NIBAN2: variants seen among roughly 807,000 people sequenced by gnomAD.
NIBAN2 encodes the protein niban apoptosis regulator 2.
A neutral mutation model predicts 81.8 loss-of-function variants in NIBAN2; 36 were observed. The ratio of observed to expected loss-of-function variants is 0.44; its 90% confidence interval spans 0.34 to 0.58. The LOEUF (loss-of-function observed/expected upper bound fraction) is 0.58. Among genes scored for constraint, NIBAN2 ranks in the 20% least tolerant of loss-of-function variants. The pLI, the probability that NIBAN2 is intolerant of heterozygous loss-of-function variation, is 0.02. For missense variants in NIBAN2, 897 were observed against 1,014.1 expected (o/e 0.88, Z 1.57); for synonymous variants, 445 against 441.6 (o/e 1.01, Z -0.10).
chr9:127,538,096 G>C, intron 1 of NIBAN2, among the ~76,000 whole-genome samples: 1 of 152,196 alleles, frequency 6.6e-6, no homozygotes, highest in South Asian at 2.1e-4. Flanking sequence ...ACACACTTGT[G>C]GGTTTGTTGT....
intron 1 of NIBAN2, among the ~76,000 whole-genome samples, chr9:127,532,658 C>T (rs527714452): frequency 1.1e-4 from 16 of 151,736 alleles, no homozygotes; most frequent in Admixed American, 6.6e-4. Context: ...TGCCAACAAA[C>T]GGAAAGGGCT....
At chr9:127,577,060 C>A (rs1014805858) in intron 1 of NIBAN2, among the ~76,000 whole-genome samples, 2 of 151,878 alleles carry the variant, frequency 1.3e-5, no homozygotes, top group Non-Finnish European at 2.9e-5. Flanking sequence ...GTGGCTCACG[C>A]ACTTTCAGAG....
chr9:127,520,111 A>G (rs1400060280), intron 5 of NIBAN2, among the ~76,000 whole-genome samples: 1 of 151,772 alleles, frequency 6.6e-6, no homozygotes, highest in Non-Finnish European at 1.5e-5. Context: ...ACCCCTCCTG[A>G]GCTCTTCCCG....
At chr9:127,569,528 G>T (rs577428643), upstream of NIBAN2, among the ~76,000 whole-genome samples, 92 of 151,716 alleles carry the variant, frequency 6.1e-4, no homozygotes, top group South Asian at 8.3e-3. Context: ...GAAAAGAATC[G>T]CGCCGAGGAG....
At chr9:127,568,328 G>C (rs2249006) in intron 1 of NIBAN2, among the ~76,000 whole-genome samples, 110,632 of 152,130 alleles carry the variant, frequency 0.73, 40,411 homozygotes, top group Middle Eastern at 0.77. Flanking sequence ...CTTCATGGGC[G>C]CGTCCTTCAG....
rs1242398360 is a variant in NIBAN2 at position 127,505,370 on chromosome 9, G to A, written c.*1475C>T. The A allele has an allele frequency of 2.0e-5, 3 of 152,666 alleles. No homozygotes were observed. Among genetic ancestry groups the A allele is most frequent in the African/African-American group, 7.2e-5 (3 of 41,460 alleles). 9.5% of individuals were successfully genotyped at this position (152,666 alleles called of 1,614,324 possible). ...TAAATAAAGCGTTTATTGATTAGTA[G>A]AAGCATGAACAGTGTGCATAATATT... On this transcript the variant is annotated 3_prime_UTR_variant, in exon 14 of 14. Coordinates refer to ENST00000373312, the MANE Select transcript of NIBAN2 (RefSeq NM_022833.4).
chr9:127,541,130 A>G (rs1837371538), intron 1 of NIBAN2, among the ~76,000 whole-genome samples: 1 of 152,172 alleles, frequency 6.6e-6, no homozygotes, highest in Non-Finnish European at 1.5e-5. Flanking sequence ...TGTCCCAAGC[A>G]CCACCATCTC....
chr9:127,516,124 A>C (rs1836825195), intron 8 of NIBAN2, among the ~76,000 whole-genome samples: 1 of 113,982 alleles, frequency 8.8e-6, no homozygotes, highest in Non-Finnish European at 1.9e-5. Flanking sequence ...CCCTGTCTCA[A>C]ATAAAATAAA....
At chr9:127,541,629 A>C (rs1837381027) in intron 1 of NIBAN2, among the ~76,000 whole-genome samples, 1 of 152,080 alleles carries the variant, frequency 6.6e-6, no homozygotes. Flanking sequence ...AGGCTCCATC[A>C]AGTAGCAGGA....
chr9:127,524,774 A>C, intron 4 of NIBAN2: 1 of 321,800 alleles, frequency 3.1e-6, no homozygotes, highest in Non-Finnish European at 5.8e-6. Flanking sequence ...AGGGAATTTC[A>C]GCCAAGGTGA....
At chr9:127,554,016 G>A (rs552486693) in intron 1 of NIBAN2, among the ~76,000 whole-genome samples, 3 of 152,180 alleles carry the variant, frequency 2.0e-5, no homozygotes, top group South Asian at 2.1e-4. Flanking sequence ...CACTCATCAC[G>A]GAGAGAGACT....
rs75147831 is a variant in NIBAN2 at position 127,561,348 on chromosome 9, G to A, written c.55+7472C>T. The A allele has an allele frequency of 1.6e-3, 1,476 of 933,440 alleles. 24 individuals carry two copies. In the East Asian group the frequency reaches 0.064, roughly 41 times the overall value. 57.8% of individuals were successfully genotyped at this position (933,440 alleles called of 1,614,324 possible). A position where few individuals can be genotyped will look rare whatever the true frequency, so the allele number is the denominator to read the frequency against. On this transcript the variant is annotated intron_variant, in intron 1 of 13. Coordinates refer to ENST00000373312, the MANE Select transcript of NIBAN2 (RefSeq NM_022833.4). ...CAGGGGATGCACGAGGCCACAGACA[G>A]ACCAGACACATCTCCCTGGGTGTCA...
At chr9:127,534,249 CA>C (rs1837234645) in intron 1 of NIBAN2, among the ~76,000 whole-genome samples, 1 of 152,244 alleles carries the variant, frequency 6.6e-6, no homozygotes, top group Admixed American at 6.5e-5. Flanking sequence ...GGTCCTTTCT[CA>C]AAACAGGAGC....
upstream of NIBAN2, chr9:127,579,019 C>A: frequency 7.5e-7 from 1 of 1,330,040 alleles, no homozygotes; most frequent in Non-Finnish European, 1.1e-6. Context: ...GAGCTGTTTG[C>A]TGCTGAGCCA....
intron 3 of NIBAN2, 111 bp downstream of exon 3, chr9:127,527,083 C>A: frequency 7.3e-7 from 1 of 1,372,328 alleles, no homozygotes; most frequent in Non-Finnish European, 1.0e-6. Context: ...CCCTGGTGAC[C>A]GCGTGCAGGC....
rs559504107 is a variant in NIBAN2 at position 127,525,174 on chromosome 9, C to T, written c.316-11G>A. 58 of 1,609,618 alleles carry T rather than the reference C, an allele frequency of 3.6e-5. No individual in the cohort carries two copies. In the South Asian group the frequency reaches 6.0e-4, roughly 17 times the overall value. On this transcript the variant is annotated splice_polypyrimidine_tract_variant and intron_variant, in intron 3 of 13. Coordinates refer to ENST00000373312, the MANE Select transcript of NIBAN2 (RefSeq NM_022833.4). Reference sequence around the variant, plus strand: ...CTGCCGCTCATAGGCCTGAGGGAGGCAAGAGAGAGGGTCCCTGAGGGTTAA... The same window carrying T: ...CTGCCGCTCATAGGCCTGAGGGAGGTAAGAGAGAGGGTCCCTGAGGGTTAA...
intron 1 of NIBAN2, among the ~76,000 whole-genome samples, chr9:127,558,720 A>C (rs1010957882): frequency 7.2e-5 from 11 of 152,186 alleles, no homozygotes; most frequent in African/African-American, 2.7e-4. Context: ...CTCTCAAAAA[A>C]AGCAAAAACA....
At chr9:127,533,440 G>A (rs538077505) in intron 1 of NIBAN2, among the ~76,000 whole-genome samples, 23 of 152,340 alleles carry the variant, frequency 1.5e-4, no homozygotes, top group African/African-American at 5.3e-4. Context: ...CTGGGCGACA[G>A]AGCGAGACTC....
intron 8 of NIBAN2, among the ~76,000 whole-genome samples, chr9:127,512,142 T>C (rs1836748919): frequency 1.3e-5 from 2 of 152,178 alleles, no homozygotes. Flanking sequence ...CTTCCCTCCT[T>C]TGGAGAGGCT....
Sources: allele counts gnomAD v4.1 joint callset (sites outside exome capture counted in the v4.1 genomes callset), GRCh38; gene constraint gnomAD v4.1.1; transcripts MANE v1.5; gene names NCBI Gene and HGNC (gene_info 2026-07-23, HGNC 2026-07-21).